The following NT5DC3 variants were observed in gnomAD, a reference collection of about 807,000 sequenced individuals.
NT5DC3 encodes the protein 5'-nucleotidase domain containing 3, also known as 5'-nucleotidase domain-containing protein 3.
A neutral mutation model predicts 67.8 loss-of-function variants in NT5DC3; 42 were observed. That is an observed-to-expected ratio of 0.62 (90% CI 0.48 to 0.80). NT5DC3 has a LOEUF of 0.80. NT5DC3 is among the 30% of genes least tolerant of loss of function. The pLI is 0.00. For synonymous variants in NT5DC3, 237 were observed against 255.6 expected, an observed-to-expected ratio of 0.93 and a Z score of 0.69; for missense variants, 570 against 696.4, an observed-to-expected ratio of 0.82 and a Z score of 2.04.
At chr12:103,758,337 TCAC>T in the NT5DC3 span, 1 of 1,605,782 alleles carries the variant, frequency 6.2e-7, no homozygotes, top group Non-Finnish European at 8.5e-7. Context: ...ATGTTATCTA[TCAC>T]CACAACAATG....
intron 9 of NT5DC3, among the ~76,000 whole-genome samples, chr12:103,791,967 G>T (rs892428186): frequency 3.9e-5 from 6 of 152,180 alleles, no homozygotes; most frequent in African/African-American, 1.4e-4. Flanking sequence ...GTGCCAAAAA[G>T]GTTGGGGACC....
At chr12:103,834,630 G>C (rs1264122651) in intron 1 of NT5DC3, among the ~76,000 whole-genome samples, 1 of 152,166 alleles carries the variant, frequency 6.6e-6, no homozygotes, top group Non-Finnish European at 1.5e-5. Context: ...AGAGAAATGG[G>C]TGTAGGGCTT....
intron 1 of NT5DC3, among the ~76,000 whole-genome samples, chr12:103,815,576 C>T (rs927604532): frequency 6.6e-6 from 1 of 152,056 alleles, no homozygotes; most frequent in African/African-American, 2.4e-5. Flanking sequence ...CACACACCAT[C>T]ACACCCTACT....
intron 1 of NT5DC3, among the ~76,000 whole-genome samples, chr12:103,829,067 T>C (rs1887819066): frequency 6.6e-6 from 1 of 152,258 alleles, no homozygotes; most frequent in South Asian, 2.1e-4. Flanking sequence ...AGTATTTTTA[T>C]GTGTTTTAAA....
At chr12:103,757,232 G>A in the NT5DC3 span, among the ~76,000 whole-genome samples, 1 of 151,532 alleles carries the variant, frequency 6.6e-6, no homozygotes, top group African/African-American at 2.4e-5. Context: ...GGGACTACAG[G>A]CACACACCAC....
At position 103,810,640 on chromosome 12, in the gene NT5DC3, T is replaced by G. The variant is rs145769632; in HGVS notation, c.394-3711A>C. Among the ~76,000 whole-genome samples, 167 of 152,324 alleles carry G rather than the reference T, an allele frequency of 1.1e-3. 3 individuals carry two copies. The East Asian group carries it at 0.024, about 21-fold the overall frequency. ...TACCTTGACTTTGTTCTAATCCCAG[T>G]TAAAATCTGGGCAAATTCCTGTGTG... On this transcript the variant is annotated intron_variant, in intron 2 of 13. Transcript: ENST00000392876.
At chr12:103,785,302 A>G in intron 12 of NT5DC3, 33 bp downstream of exon 12, 2 of 1,608,730 alleles carry the variant, frequency 1.2e-6, no homozygotes, top group Non-Finnish European at 1.7e-6. Context: ...AGGCTTAAAG[A>G]AAAAGTGAGA....
chr12:103,797,374 G>A (rs60828015), intron 5 of NT5DC3, among the ~76,000 whole-genome samples: 7,915 of 151,848 alleles, frequency 0.052, 451 homozygotes, highest in East Asian at 0.16. Flanking sequence ...GGAGGCTGAG[G>A]CAGGAGAATC....
At chr12:103,763,205 G>A in the NT5DC3 span, 1 of 333,220 alleles carries the variant, frequency 3.0e-6, no homozygotes, top group Non-Finnish European at 5.6e-6. Flanking sequence ...GTTACCCTGG[G>A]TGGCAGGCAC....
intron 2 of NT5DC3, among the ~76,000 whole-genome samples, chr12:103,811,950 A>C (rs1467072419): frequency 6.6e-6 from 1 of 152,076 alleles, no homozygotes; most frequent in African/African-American, 2.4e-5. Context: ...GATATGAACA[A>C]TCAGGTGATC....
chr12:103,834,512 G>GA (rs1888063814), intron 1 of NT5DC3, among the ~76,000 whole-genome samples: 1 of 151,450 alleles, frequency 6.6e-6, no homozygotes, highest in Non-Finnish European at 1.5e-5. Flanking sequence ...CAGGCTGGAA[G>GA]AAAAAAAGGA....
chr12:103,766,393 A>G (rs1383372859), downstream of NT5DC3: 3 of 1,556,324 alleles, frequency 1.9e-6, no homozygotes, highest in Non-Finnish European at 2.6e-6. Context: ...ATCAACTGTG[A>G]ATTCTCAGCA....
the NT5DC3 span, chr12:103,753,443 T>C: frequency 6.3e-7 from 1 of 1,576,272 alleles, no homozygotes; most frequent in Non-Finnish European, 8.7e-7. Flanking sequence ...CTTGAGCTGT[T>C]GCCTTCAAGC....
intron 2 of NT5DC3, among the ~76,000 whole-genome samples, chr12:103,807,666 C>T (rs1886859928): frequency 6.6e-6 from 1 of 152,230 alleles, no homozygotes; most frequent in Non-Finnish European, 1.5e-5. Flanking sequence ...GTTGTGAAGG[C>T]AGCAGATATG....
chr12:103,831,246 G>A (rs1887913080), intron 1 of NT5DC3, among the ~76,000 whole-genome samples: 1 of 152,126 alleles, frequency 6.6e-6, no homozygotes, highest in African/African-American at 2.4e-5. Context: ...TAGGCATCTG[G>A]CATTTCCCCT....
chr12:103,836,063 C>A (rs910860564), intron 1 of NT5DC3, among the ~76,000 whole-genome samples: 3 of 152,136 alleles, frequency 2.0e-5, no homozygotes, highest in Non-Finnish European at 4.4e-5. Context: ...GAAAGACCAG[C>A]CCCCATGATT....
At chr12:103,824,908 C>G (rs916937921) in intron 1 of NT5DC3, among the ~76,000 whole-genome samples, 2 of 152,126 alleles carry the variant, frequency 1.3e-5, no homozygotes, top group African/African-American at 4.8e-5. Flanking sequence ...TTACTAGATC[C>G]ATAGGAAATC....
chr12:103,763,203 G>T, the NT5DC3 span: 7 of 331,984 alleles, frequency 2.1e-5, no homozygotes, highest in Non-Finnish European at 3.9e-5. Context: ...CAGTTACCCT[G>T]GGTGGCAGGC....
At chr12:103,749,074 A>G in the NT5DC3 span, 1 of 1,614,192 alleles carries the variant, frequency 6.2e-7, no homozygotes, top group Non-Finnish European at 8.5e-7. Context: ...GGGGACGGGC[A>G]CAGCTGCACA....
Sources: allele counts gnomAD v4.1 joint callset (sites outside exome capture counted in the v4.1 genomes callset), GRCh38; gene constraint gnomAD v4.1.1; transcripts MANE v1.5; gene names NCBI Gene and HGNC (gene_info 2026-07-23, HGNC 2026-07-21).